DMXL2: variants seen among roughly 807,000 people sequenced by gnomAD.
The protein encoded by DMXL2 is Dmx like 2, also known as dmX-like protein 2.
A neutral mutation model predicts 331.1 loss-of-function variants in DMXL2; 103 were observed. The observed-to-expected ratio is 0.31, with a 90% CI of 0.27 to 0.37. The LOEUF (loss-of-function observed/expected upper bound fraction) is 0.37. DMXL2 is among the 10% of genes least tolerant of loss of function. The pLI is 1.00. For synonymous variants in DMXL2, 1,281 were observed against 1,252.1 expected (o/e 1.02, Z -0.49); for missense variants, 3,171 against 3,642.9 (o/e 0.87, Z 3.33).
intron 31 of DMXL2, among the ~76,000 whole-genome samples, 165 bp downstream of exon 31, chr15:51,465,401 T>C (rs1252664400): frequency 6.6e-6 from 1 of 152,036 alleles, no homozygotes; most frequent in African/African-American, 2.4e-5. Context: ...TCTAAAAAAA[T>C]AAAAATAAAG....
At chr15:51,586,396 G>C (rs1460584417) in intron 1 of DMXL2, among the ~76,000 whole-genome samples, 1 of 151,830 alleles carries the variant, frequency 6.6e-6, no homozygotes, top group Non-Finnish European at 1.5e-5. Context: ...AAAATCTATG[G>C]GAAGAAAAAA....
chr15:51,507,197 T>C lies in DMXL2; in HGVS notation c.2701A>G (p.Ser901Gly), dbSNP rs752719044. 6.2e-7 allele frequency: 1 copy of C among 1,611,472 alleles called. No homozygotes were observed. The highest frequency in any genetic ancestry group is 8.5e-7 in the Non-Finnish European group (1 of 1,178,352). ...ATATGCAGAATAGAGTTATTATTGC[T>C]GTCCTTCTCAATTACTACTAGAAAG... Reference protein sequence around the residue: ...KFFLVVIEKDSNNNSILHMWH... With the variant: ...KFFLVVIEKDGNNNSILHMWH... The change falls in exon 16 of 44, where the codon AGC becomes GGC. Residue 901 changes from serine to glycine, a missense_variant. Transcript: ENST00000560891.
rs2048305414 is a variant in DMXL2 at position 51,536,672 on chromosome 15, A to G, written c.1808T>C (p.Met603Thr). The G allele has an allele frequency of 6.2e-7, 1 of 1,614,142 alleles. No homozygotes were observed. The highest frequency in any genetic ancestry group is 8.5e-7 in the Non-Finnish European group (1 of 1,179,994). The change falls in exon 12 of 44, where the codon ATG (methionine) becomes ACG (threonine). Residue 603 changes from methionine (M) to threonine (T), a missense_variant. Met to Thr is a moderately conservative substitution (Grantham distance 81). Coordinates refer to ENST00000560891, the MANE Select transcript of DMXL2 (RefSeq NM_001378457.1). The stretch of plus-strand genomic sequence containing the variant: ...CATTACTGTGGGAGCTAAGATGTTC[A>G]TATGTGTACTGTGGGATCTAGAGTG... ...QPHSRSHSTH[M>T]NILAPTVMMI...
intron 1 of DMXL2, among the ~76,000 whole-genome samples, chr15:51,578,487 G>T (rs2051195718): frequency 6.6e-6 from 1 of 152,036 alleles, no homozygotes; most frequent in Non-Finnish European, 1.5e-5. Context: ...TTCTGATCCG[G>T]CAATAGTTCA....
intron 1 of DMXL2, among the ~76,000 whole-genome samples, chr15:51,609,426 T>C (rs981301009): frequency 6.6e-6 from 1 of 152,216 alleles, no homozygotes; most frequent in South Asian, 2.1e-4. Context: ...CGGTCTACAA[T>C]GGACCACACA....
At chr15:51,450,560 T>C (rs1329531311) in intron 42 of DMXL2, 2 of 546,532 alleles carry the variant, frequency 3.7e-6, no homozygotes, top group African/African-American at 1.9e-5. Context: ...AATCTCAATA[T>C]GAAATGAACA....
In DMXL2 at chr15:51,481,620, A is replaced by G; in HGVS notation, c.5486T>C (p.Ile1829Thr). Residue 1829 changes from isoleucine to threonine, a missense_variant, in exon 24 of 44, where the codon ATC becomes ACC. Ile to Thr is a moderately conservative substitution (Grantham distance 89). Around this residue, in one of 7 missense-constraint regions of DMXL2, gnomAD observed 244 missense variants for 251.4 expected, o/e 0.97. Coordinates refer to ENST00000560891, the MANE Select transcript of DMXL2 (RefSeq NM_001378457.1). ...TPKEDDEHQVIIKSCNPVAFS... is the reference protein window; with the variant it reads ...TPKEDDEHQVTIKSCNPVAFS... ...TGCCACCGGGTTACAAGACTTGATG[A>G]TAACTATAGAAATCAAACAGATAAA... is the stretch of plus-strand genomic sequence containing the variant. The G allele has an allele frequency of 6.5e-7, 1 of 1,539,024 alleles. No individual in the cohort carries two copies.
chr15:51,452,239 T>C (rs915498901), intron 41 of DMXL2, among the ~76,000 whole-genome samples: 30 of 152,218 alleles, frequency 2.0e-4, no homozygotes, highest in African/African-American at 6.7e-4. Flanking sequence ...ACTTAAAGAA[T>C]TCATGACCAA....
intron 41 of DMXL2, among the ~76,000 whole-genome samples, chr15:51,452,324 TA>T (rs749621116): frequency 7.3e-5 from 11 of 151,572 alleles, no homozygotes; most frequent in Non-Finnish European, 1.3e-4. Context: ...ACAGCAAGAG[TA>T]AAAAGGCAAC....
At chr15:51,516,062 T>C (rs189161429) in intron 14 of DMXL2, among the ~76,000 whole-genome samples, 39 of 152,298 alleles carry the variant, frequency 2.6e-4, no homozygotes, top group African/African-American at 6.7e-4. Flanking sequence ...TTTTCCCCAA[T>C]AGAAAGTGCA....
rs2041023721 is a variant in DMXL2, at chr15:51,470,722, G to C, written c.7392+501C>G. Among the ~76,000 whole-genome samples the C allele has an allele frequency of 2.0e-5, 3 of 152,178 alleles. No individual in the cohort carries two copies. The South Asian group carries it at 6.2e-4, about 32-fold the overall frequency. ...AAAAGCAAACATTAGCATGCACCCA[G>C]CATGGTATGAAATGGGGCTATACCA... On this transcript the variant is annotated intron_variant, in intron 29 of 43. Coordinates refer to ENST00000560891, the MANE Select transcript of DMXL2 (RefSeq NM_001378457.1).
chr15:51,616,056 G>A lies in DMXL2; in HGVS notation c.87+6403C>T, dbSNP rs370303341. 1.5e-4 allele frequency among the ~76,000 whole-genome samples: 23 copies of A among 152,196 alleles called. 1 individual carries two copies. The East Asian group carries it at 3.5e-3, about 23-fold the overall frequency. On this transcript the variant is annotated intron_variant, in intron 1 of 43. Transcript: ENST00000560891. ...GAAGAAAACAACAATTATTTAGTAT[G>A]AATTAAATTAAATGTTATTACTCCC...
In DMXL2 at chr15:51,568,531, A is replaced by G. The variant is rs767766946; in HGVS notation, c.241T>C (p.Cys81Arg). The stretch of plus-strand genomic sequence containing the variant: ...TTTATGCCCAAGGGCTCAAATATAC[A>G]AACAGCATTACCATATGAAGCTGCA... ...RIAASYGNAV[C>R]IFEPLGINSH... Residue 81 changes from cysteine to arginine, a missense_variant, in exon 3 of 44, where the codon TGT becomes CGT. Transcript: ENST00000560891. 2.9e-5 allele frequency: 46 copies of G among 1,582,478 alleles called. No homozygotes were observed. The highest frequency in any genetic ancestry group is 3.9e-5 in the Non-Finnish European group (46 of 1,170,670).
At chr15:51,596,181 G>A (rs2052787574) in intron 1 of DMXL2, among the ~76,000 whole-genome samples, 1 of 151,982 alleles carries the variant, frequency 6.6e-6, no homozygotes, top group Non-Finnish European at 1.5e-5. Context: ...TCTGACAAAG[G>A]GCTAATATCC....
chr15:51,506,644 A>G (rs1028127174), intron 16 of DMXL2, among the ~76,000 whole-genome samples: 2 of 151,748 alleles, frequency 1.3e-5, no homozygotes, highest in East Asian at 1.9e-4. Flanking sequence ...TAGTAGAGAC[A>G]GGGTTTCACC....
In DMXL2 at chr15:51,600,728, G is replaced by A. The variant is rs116594275; in HGVS notation, c.87+21731C>T. Among the ~76,000 whole-genome samples, 1,407 of 152,242 alleles carry A rather than the reference G, an allele frequency of 9.2e-3. 16 individuals are homozygous for A. Among genetic ancestry groups the A allele is most frequent in the African/African-American group, 0.032 (1,317 of 41,528 alleles). On this transcript the variant is annotated intron_variant, in intron 1 of 43. Coordinates refer to ENST00000560891, the MANE Select transcript of DMXL2 (RefSeq NM_001378457.1). Reference sequence around the variant, plus strand: ...TGTCTTGGTCAAATAAACTGGACACGGATAGGACAAGAACCACAAGGGTAT... The same window carrying A: ...TGTCTTGGTCAAATAAACTGGACACAGATAGGACAAGAACCACAAGGGTAT...
At chr15:51,535,503 A>C (rs1191767382) in intron 13 of DMXL2, among the ~76,000 whole-genome samples, 160 bp downstream of exon 13, 1 of 152,218 alleles carries the variant, frequency 6.6e-6, no homozygotes, top group East Asian at 1.9e-4. Flanking sequence ...ACCTTGGAAC[A>C]CAGCTTAGGA....
Position 51,576,183 on chromosome 15 carries a change from T to TCAAAAAA in DMXL2, c.88-3_88-2insTTTTTTG. The TCAAAAAA allele has an allele frequency of 1.6e-6, 1 of 626,282 alleles. No homozygotes were observed. The allele number at this position is 626,282 out of a possible 1,614,324, so 38.8% of individuals were successfully genotyped here. A position where few individuals can be genotyped will look rare whatever the true frequency, so the allele number is the denominator to read the frequency against. On this transcript the variant is annotated splice_region_variant and splice_polypyrimidine_tract_variant and intron_variant, in intron 1 of 43. Transcript: ENST00000560891. Reference sequence around the variant, plus strand: ...AATATCACAGCCTGATCCATATGCCTAAAAAAAAAAAAAAAAAAAAGTTTT... The same window carrying TCAAAAAA: ...AATATCACAGCCTGATCCATATGCCTCAAAAAAAAAAAAAAAAAAAAAAAAAAGTTTT...
At chr15:51,502,543 G>C (rs911285138) in intron 17 of DMXL2, among the ~76,000 whole-genome samples, 1 of 151,986 alleles carries the variant, frequency 6.6e-6, no homozygotes, top group Non-Finnish European at 1.5e-5. Context: ...GGGTGGTCTC[G>C]AACTACTGAC....
Sources: gnomAD v4.1 joint callset for allele counts (sites outside exome capture counted in the v4.1 genomes callset) on GRCh38, gnomAD v4.1.1 for gene constraint, gnomAD v4.1.1 regional missense constraint, MANE v1.5 for transcripts, NCBI Gene and HGNC (gene_info 2026-07-23, HGNC 2026-07-21) for gene names.